Variants in KIAA0513 observed in about 807,000 individuals in gnomAD.
KIAA0513 encodes KIAA0513, also known as uncharacterized protein KIAA0513.
In KIAA0513, 39 loss-of-function variants were observed where a neutral mutation model predicts 56.5. The ratio of observed to expected loss-of-function variants is 0.69; its 90% CI spans 0.53 to 0.90. The LOEUF is 0.90. KIAA0513 is among the 40% of genes least tolerant of loss of function. The pLI is 0.00. For missense variants in KIAA0513, 591 were observed against 535.2 expected, an observed-to-expected ratio of 1.10 and a Z score of -1.03; for synonymous variants, 268 against 215.6, an observed-to-expected ratio of 1.24 and a Z score of -2.13.
chr16:85,065,123 T>G (rs967828997), intron 1 of KIAA0513, among the ~76,000 whole-genome samples: 7 of 152,208 alleles, frequency 4.6e-5, no homozygotes, highest in Admixed American at 4.6e-4. Context: ...ACTGTAAACA[T>G]TTTACTAGTG....
chr16:85,044,505 TTTTTA>T (rs2073144901), intron 1 of KIAA0513, among the ~76,000 whole-genome samples: 2 of 142,394 alleles, frequency 1.4e-5, no homozygotes, highest in African/African-American at 6.0e-5. Context: ...CTCCTTTTTA[TTTTTA>T]TTTTTTTTTT....
intron 2 of KIAA0513, 39 bp from the exon 3 acceptor site, chr16:85,071,744 T>TG: frequency 7.6e-7 from 1 of 1,309,896 alleles, no homozygotes; most frequent in Non-Finnish European, 1.0e-6. Context: ...TGAAAAGGGT[T>TG]TTTTTTTTTT....
At chr16:85,036,274 A>G (rs1456435997) in intron 1 of KIAA0513, among the ~76,000 whole-genome samples, 1 of 152,146 alleles carries the variant, frequency 6.6e-6, no homozygotes, top group Non-Finnish European at 1.5e-5. Context: ...ATCATAATCT[A>G]ATTTCAGAAT....
intron 1 of KIAA0513, among the ~76,000 whole-genome samples, chr16:85,044,121 A>G (rs1358238292): frequency 6.6e-6 from 1 of 152,224 alleles, no homozygotes; most frequent in African/African-American, 2.4e-5. Context: ...AAAAACCTCA[A>G]TAGGACAGAA....
intron 3 of KIAA0513, among the ~76,000 whole-genome samples, 184 bp downstream of exon 3, chr16:85,072,066 A>C (rs1258933124): frequency 6.6e-6 from 1 of 152,188 alleles, no homozygotes; most frequent in African/African-American, 2.4e-5. Flanking sequence ...GAATAGTAAG[A>C]AACAGTCTGG....
Position 85,092,286 on chromosome 16 carries a change from G to C in KIAA0513, c.*3961G>C, listed in dbSNP as rs1726480479. The C allele has an allele frequency of 6.6e-6, 1 of 152,188 alleles. No homozygotes were observed. The highest frequency in any genetic ancestry group is 2.4e-5 in the African/African-American group (1 of 41,418). 9.4% of individuals were successfully genotyped at this position (152,188 alleles called of 1,614,324 possible). ...AGGAAGGATCCAGCTAGGCCCGTGT[G>C]GTTAGATCAGCTTTGTTACTGAATT... is the stretch of plus-strand genomic sequence containing the variant. On this transcript the variant is annotated 3_prime_UTR_variant, in exon 13 of 13. Transcript: ENST00000683363.
rs903220321 is a variant in KIAA0513 at position 85,067,403 on chromosome 16, A to C, written c.329+3A>C. Reference sequence around the variant, plus strand: ...GTGGAGAAGATCTTCTCTGGAGGGTAAGGGGCCTGTGTGGACGAGACAGCC... The same window carrying C: ...GTGGAGAAGATCTTCTCTGGAGGGTCAGGGGCCTGTGTGGACGAGACAGCC... On this transcript the variant is annotated splice_donor_region_variant and intron_variant, in intron 2 of 12. Transcript: ENST00000683363. The C allele has an allele frequency of 3.8e-6, 6 of 1,594,692 alleles. No individual in the cohort carries two copies. Among genetic ancestry groups the C allele is most frequent in the African/African-American group, 1.3e-5 (1 of 74,802 alleles).
chr16:85,069,666 A>G (rs1482374604), intron 2 of KIAA0513, among the ~76,000 whole-genome samples: 1 of 151,896 alleles, frequency 6.6e-6, no homozygotes, highest in Non-Finnish European at 1.5e-5. Flanking sequence ...GCAGCACACT[A>G]GATAAGGATG....
At chr16:85,077,871 G>A (rs183766157) in intron 6 of KIAA0513, among the ~76,000 whole-genome samples, 27 of 152,338 alleles carry the variant, frequency 1.8e-4, no homozygotes, top group Admixed American at 3.9e-4. Flanking sequence ...GAGCCCAAGG[G>A]ATTGTCAGAT....
At chr16:85,035,030 G>GC (rs746417867) in intron 1 of KIAA0513, among the ~76,000 whole-genome samples, 6 of 152,068 alleles carry the variant, frequency 3.9e-5, no homozygotes, top group Non-Finnish European at 5.9e-5. Flanking sequence ...ACCTACCTCT[G>GC]CCCCCCTTCC....
At position 85,088,663 on chromosome 16, in the gene KIAA0513, T is replaced by G. The variant is rs1597653840; in HGVS notation, c.*338T>G. On this transcript the variant is annotated 3_prime_UTR_variant, in exon 13 of 13. Coordinates refer to ENST00000683363, the MANE Select transcript of KIAA0513 (RefSeq NM_001388359.1). The stretch of plus-strand genomic sequence containing the variant: ...ATCGTGGGCCAAGGGCTGGCGAGGG[T>G]GGGGGCGGGCAAGGGATGCAGGCAG... 16 of 262,250 alleles carry G rather than the reference T, an allele frequency of 6.1e-5. No homozygotes were observed. Among genetic ancestry groups the G allele is most frequent in the South Asian group, 1.6e-4 (2 of 12,590 alleles). 16.2% of individuals were successfully genotyped at this position (262,250 alleles called of 1,614,324 possible).
At chr16:85,085,441 T>G (rs1216695069) in intron 10 of KIAA0513, among the ~76,000 whole-genome samples, 1 of 152,234 alleles carries the variant, frequency 6.6e-6, no homozygotes, top group Non-Finnish European at 1.5e-5. Context: ...GATCCCAACC[T>G]CTCACCCTCT....
At chr16:85,080,680 G>C (rs139052265) in intron 8 of KIAA0513, among the ~76,000 whole-genome samples, 1,926 of 152,264 alleles carry the variant, frequency 0.013, 43 homozygotes, top group African/African-American at 0.045. Flanking sequence ...TATAATCCCA[G>C]CTACTCAGGA....
chr16:85,053,008 C>T (rs556998135), intron 1 of KIAA0513, among the ~76,000 whole-genome samples: 131 of 152,272 alleles, frequency 8.6e-4, no homozygotes, highest in African/African-American at 3.0e-3. Context: ...TTGCCTCAGC[C>T]TCCCAAGTAG....
At chr16:85,040,511 C>T (rs1015648154) in intron 1 of KIAA0513, among the ~76,000 whole-genome samples, 1 of 152,106 alleles carries the variant, frequency 6.6e-6, no homozygotes, top group African/African-American at 2.4e-5. Context: ...GCCTGGGTGA[C>T]AGGATGAGAA....
chr16:85,082,700 C>G (rs2073760710), intron 10 of KIAA0513, 107 bp downstream of exon 10: 1 of 1,211,096 alleles, frequency 8.3e-7, no homozygotes, highest in African/African-American at 1.5e-5. Flanking sequence ...GCAGGCACAG[C>G]CCAGACGCAG....
intron 1 of KIAA0513, among the ~76,000 whole-genome samples, chr16:85,030,944 G>A (rs2072956200): frequency 6.6e-6 from 1 of 152,270 alleles, no homozygotes; most frequent in South Asian, 2.1e-4. Context: ...ACGAACAGAA[G>A]TGTAGGTCTG....
At chr16:85,069,813 C>G (rs2073545464) in intron 2 of KIAA0513, among the ~76,000 whole-genome samples, 2 of 152,132 alleles carry the variant, frequency 1.3e-5, no homozygotes, top group South Asian at 4.1e-4. Flanking sequence ...ACAGTTCTTA[C>G]ACGTCAGCGT....
chr16:85,084,809 C>T (rs907088448), intron 10 of KIAA0513, among the ~76,000 whole-genome samples: 3 of 150,240 alleles, frequency 2.0e-5, no homozygotes, highest in South Asian at 2.1e-4. Flanking sequence ...GTAATCTGAC[C>T]GCCTCGGCCT....
Sources: gnomAD v4.1 joint callset for allele counts (sites outside exome capture counted in the v4.1 genomes callset) on GRCh38, gnomAD v4.1.1 for gene constraint, MANE v1.5 for transcripts, NCBI Gene and HGNC (gene_info 2026-07-23, HGNC 2026-07-21) for gene names.